COX10: variants seen among roughly 807,000 people sequenced by gnomAD.
The protein encoded by COX10 is protoheme IX farnesyltransferase, mitochondrial.
In COX10, 27 loss-of-function variants were observed where a neutral mutation model predicts 37.3. The ratio of observed to expected loss-of-function variants is 0.72; its 90% CI spans 0.53 to 1.00. The LOEUF (loss-of-function observed/expected upper bound fraction) is 1.00. Among genes scored for constraint, COX10 ranks in the 50% least tolerant of loss-of-function variants. The probability of loss-of-function intolerance (pLI) is 0.00; values close to 1 mark genes in which losing one functional copy is unlikely to be tolerated. For missense variants in COX10, 475 were observed against 563.2 expected (o/e 0.84, Z 1.59); for synonymous variants, 222 against 229.1 (o/e 0.97, Z 0.28).
chr17:14,207,365 T>TTTA lies in COX10; in HGVS notation c.*152_*153insTTA. The TTTA allele has an allele frequency of 1.2e-6, 1 of 866,842 alleles. No homozygotes were observed. Among genetic ancestry groups the TTTA allele is most frequent in the Non-Finnish European group, 1.7e-6 (1 of 602,850 alleles). The allele number at this position is 866,842 out of a possible 1,614,324, so 53.7% of individuals were successfully genotyped here. A position where few individuals can be genotyped will look rare whatever the true frequency, so the allele number is the denominator to read the frequency against. On this transcript the variant is annotated 3_prime_UTR_variant, in exon 7 of 7. Coordinates refer to ENST00000261643, the MANE Select transcript of COX10 (RefSeq NM_001303.4). Reference sequence around the variant, plus strand: ...ATCACTTGACAGTTTTTTTTTTTTTTAAATATTACCCAAAATGCTCCCCAA... The same window carrying TTTA: ...ATCACTTGACAGTTTTTTTTTTTTTTTTAAAATATTACCCAAAATGCTCCCCAA...
intron 5 of COX10, among the ~76,000 whole-genome samples, chr17:14,190,595 A>G (rs1906171507): frequency 6.6e-6 from 1 of 152,134 alleles, no homozygotes. Flanking sequence ...GCTGCAGGCC[A>G]GGTAGGAAAG....
At chr17:14,144,917 C>T (rs1401372628) in intron 4 of COX10, among the ~76,000 whole-genome samples, 2 of 151,868 alleles carry the variant, frequency 1.3e-5, no homozygotes, top group African/African-American at 4.8e-5. Context: ...AAACTGAGCA[C>T]AGTTAGGTAC....
intron 6 of COX10, among the ~76,000 whole-genome samples, chr17:14,200,692 A>C (rs1053740898): frequency 6.6e-6 from 1 of 152,246 alleles, no homozygotes; most frequent in African/African-American, 2.4e-5. Context: ...AGAATTTTCT[A>C]TGTTCACAGA....
At chr17:14,199,939 G>C (rs183159001) in intron 6 of COX10, among the ~76,000 whole-genome samples, 4 of 152,310 alleles carry the variant, frequency 2.6e-5, no homozygotes, top group Admixed American at 2.6e-4. Flanking sequence ...AATAGAGCCA[G>C]TCATGGAGCA....
At chr17:14,191,745 A>G (rs1179787850) in intron 5 of COX10, among the ~76,000 whole-genome samples, 4 of 152,022 alleles carry the variant, frequency 2.6e-5, no homozygotes, top group Non-Finnish European at 5.9e-5. Context: ...TCTAATCCTG[A>G]CTCTCTTAAC....
intron 6 of COX10, among the ~76,000 whole-genome samples, chr17:14,194,800 G>A (rs1008056964): frequency 6.6e-6 from 1 of 152,182 alleles, no homozygotes; most frequent in African/African-American, 2.4e-5. Flanking sequence ...ACTCATTAAT[G>A]ATGGACAGCT....
intron 4 of COX10, among the ~76,000 whole-genome samples, chr17:14,127,283 G>C (rs929885543): frequency 2.6e-5 from 4 of 152,084 alleles, no homozygotes; most frequent in East Asian, 1.9e-4. Flanking sequence ...TCCTCTGTCT[G>C]TTTTCCTGGT....
At chr17:14,153,105 G>T (rs1904951510) in intron 4 of COX10, among the ~76,000 whole-genome samples, 1 of 152,160 alleles carries the variant, frequency 6.6e-6, no homozygotes. Flanking sequence ...TGTAGTTCTG[G>T]ATTAACTAAA....
chr17:14,092,754 G>T (rs879836325), intron 3 of COX10, among the ~76,000 whole-genome samples: 4 of 152,100 alleles, frequency 2.6e-5, no homozygotes, highest in Non-Finnish European at 5.9e-5. Flanking sequence ...ATAAAAAAGA[G>T]ATGAAAATCA....
At chr17:14,147,843 A>C (rs183485940) in intron 4 of COX10, among the ~76,000 whole-genome samples, 12 of 151,862 alleles carry the variant, frequency 7.9e-5, no homozygotes, top group Admixed American at 7.2e-4. Flanking sequence ...AAATTACAAA[A>C]AGGTAAAGCA....
intron 5 of COX10, among the ~76,000 whole-genome samples, chr17:14,160,976 T>A (rs1905160643): frequency 6.6e-6 from 1 of 152,234 alleles, no homozygotes; most frequent in Admixed American, 6.5e-5. Flanking sequence ...TCTCAAGAGC[T>A]AAAAGCTGCT....
intron 3 of COX10, among the ~76,000 whole-genome samples, chr17:14,087,343 T>A (rs922238656): frequency 2.6e-5 from 4 of 152,216 alleles, no homozygotes; most frequent in Non-Finnish European, 5.9e-5. Flanking sequence ...TTTACCTCTC[T>A]GTATCTTTCT....
At chr17:14,191,718 A>T (rs536709649) in intron 5 of COX10, among the ~76,000 whole-genome samples, 1 of 152,218 alleles carries the variant, frequency 6.6e-6, no homozygotes, top group South Asian at 2.1e-4. Context: ...GACAGAACCT[A>T]TATGAATCCA....
At chr17:14,144,991 T>C (rs148553052) in intron 4 of COX10, among the ~76,000 whole-genome samples, 265 of 152,156 alleles carry the variant, frequency 1.7e-3, no homozygotes, top group South Asian at 9.3e-3. Flanking sequence ...GGGTAATTGA[T>C]GGAATAAATT....
At chr17:14,108,549 G>A (rs1234619216) in intron 4 of COX10, among the ~76,000 whole-genome samples, 1 of 152,080 alleles carries the variant, frequency 6.6e-6, no homozygotes, top group Non-Finnish European at 1.5e-5. Context: ...GTGTATCTGT[G>A]AATGTTGAAT....
In COX10 at chr17:14,207,075, C is replaced by A; in HGVS notation, c.1194C>A (p.Arg398=). 6.2e-7 allele frequency: 1 copy of A among 1,614,092 alleles called. No individual in the cohort carries two copies. Among genetic ancestry groups the A allele is most frequent in the Non-Finnish European group, 8.5e-7 (1 of 1,179,948 alleles). The change falls in exon 7 of 7, where the codon CGC becomes CGA. Residue 398 remains arginine (R), a synonymous_variant. Coordinates refer to ENST00000261643, the MANE Select transcript of COX10 (RefSeq NM_001303.4). ...INAYISYLGF[R]FYVDADRRSS... Reference sequence around the variant, plus strand: ...CGTACATCTCCTACCTCGGCTTCCGCTTCTACGTGGACGCAGACCGCAGGA... The same window carrying A: ...CGTACATCTCCTACCTCGGCTTCCGATTCTACGTGGACGCAGACCGCAGGA...
intron 1 of COX10, among the ~76,000 whole-genome samples, chr17:14,070,281 C>T (rs1263966626): frequency 3.3e-5 from 5 of 152,136 alleles, no homozygotes; most frequent in Non-Finnish European, 5.9e-5. Flanking sequence ...TAGAGACCAC[C>T]CTATATAAAC....
chr17:14,156,582 G>A (rs1302007261), intron 4 of COX10, among the ~76,000 whole-genome samples: 1 of 152,118 alleles, frequency 6.6e-6, no homozygotes, highest in Non-Finnish European at 1.5e-5. Context: ...CTCTTAATCA[G>A]TCTGCTGTGT....
At chr17:14,094,659 C>T (rs1181700377) in intron 3 of COX10, among the ~76,000 whole-genome samples, 1 of 152,216 alleles carries the variant, frequency 6.6e-6, no homozygotes, top group Non-Finnish European at 1.5e-5. Context: ...AGTACAGAAG[C>T]ATACAGAGTG....
Sources: gnomAD v4.1 joint callset for allele counts (sites outside exome capture counted in the v4.1 genomes callset) on GRCh38, gnomAD v4.1.1 for gene constraint, MANE v1.5 for transcripts, NCBI Gene and HGNC (gene_info 2026-07-23, HGNC 2026-07-21) for gene names.